The following MED12L variants were observed in gnomAD, a reference collection of about 807,000 sequenced individuals.
MED12L encodes the protein mediator complex subunit 12L, also known as mediator of RNA polymerase II transcription subunit 12-like protein.
MED12L carries 60 observed loss-of-function variants against 281.3 expected under a neutral mutation model. The ratio of observed to expected loss-of-function variants is 0.21; its 90% CI spans 0.17 to 0.26. The LOEUF (loss-of-function observed/expected upper bound fraction) is 0.26, where lower values mean the gene tolerates loss of function less well. Ranked by LOEUF, MED12L falls within the 10% of genes least tolerant of loss-of-function variation. MED12L has a pLI of 1.00. For synonymous variants in MED12L, 974 were observed against 987.2 expected, an observed-to-expected ratio of 0.99 and a Z score of 0.25; for missense variants, 2,146 against 2,680.9, an observed-to-expected ratio of 0.80 and a Z score of 4.41.
intron 23 of MED12L, 91 bp downstream of exon 23, chr3:151,366,082 A>T: frequency 9.1e-7 from 1 of 1,094,104 alleles, no homozygotes; most frequent in Non-Finnish European, 1.3e-6. Context: ...TATTTAATTG[A>T]TTCAACTGAA....
intron 16 of MED12L, chr3:151,338,922 T>C (rs1751420791): frequency 8.2e-6 from 12 of 1,466,512 alleles, no homozygotes; most frequent in Admixed American, 7.2e-5. Context: ...CTGTTATCTC[T>C]GTGTGTAACT....
chr3:151,118,997 A>G (rs1713318155), intron 3 of MED12L, among the ~76,000 whole-genome samples: 1 of 152,150 alleles, frequency 6.6e-6, no homozygotes. Context: ...TCAGAGCCTT[A>G]CCATCTTTCT....
chr3:151,409,375 C>T (rs1716706470), intron 40 of MED12L, 43 bp downstream of exon 40: 1 of 1,571,600 alleles, frequency 6.4e-7, no homozygotes, highest in Non-Finnish European at 8.8e-7. Flanking sequence ...ATTTTCAAAG[C>T]TCTTTATTGG....
intron 16 of MED12L, among the ~76,000 whole-genome samples, chr3:151,210,394 A>G (rs1383560345): frequency 2.0e-5 from 3 of 152,246 alleles, no homozygotes; most frequent in Admixed American, 6.5e-5. Flanking sequence ...ACGAATGAGC[A>G]CTAGTGATGA....
At chr3:151,424,650 A>G (rs1047842104) in intron 43 of MED12L, among the ~76,000 whole-genome samples, 5 of 152,058 alleles carry the variant, frequency 3.3e-5, no homozygotes, top group Non-Finnish European at 5.9e-5. Flanking sequence ...AAAACAAAAA[A>G]ACTCTATGCA....
At chr3:151,129,496 C>T (rs1453743451) in intron 5 of MED12L, among the ~76,000 whole-genome samples, 1 of 152,094 alleles carries the variant, frequency 6.6e-6, no homozygotes, top group Non-Finnish European at 1.5e-5. Context: ...TTATTCCCCC[C>T]ATCAGCATTT....
intron 16 of MED12L, among the ~76,000 whole-genome samples, chr3:151,234,835 A>G (rs1017051979): frequency 1.3e-5 from 2 of 152,184 alleles, no homozygotes; most frequent in Non-Finnish European, 2.9e-5. Flanking sequence ...TTCCTTAGTC[A>G]GGGGTCACCA....
chr3:151,146,947 T>G (rs529167952), intron 5 of MED12L, among the ~76,000 whole-genome samples: 1 of 152,338 alleles, frequency 6.6e-6, no homozygotes, highest in South Asian at 2.1e-4. Context: ...CAGTTTTCAT[T>G]TGGGCTATTT....
chr3:151,198,571 G>A (rs757068792), intron 16 of MED12L: 1 of 1,613,764 alleles, frequency 6.2e-7, no homozygotes, highest in African/African-American at 1.3e-5. Context: ...ACACAGCCAG[G>A]AGCAGTGTAG....
chr3:151,218,016 C>T (rs147089591), intron 16 of MED12L, among the ~76,000 whole-genome samples: 42 of 152,266 alleles, frequency 2.8e-4, no homozygotes, highest in Admixed American at 2.7e-3. Flanking sequence ...AGACATGCAT[C>T]ATTTGGACCT....
chr3:151,152,340 A>G (rs938075936), intron 5 of MED12L, among the ~76,000 whole-genome samples: 2 of 151,980 alleles, frequency 1.3e-5, no homozygotes, highest in Non-Finnish European at 2.9e-5. Flanking sequence ...AGTCTCAAGC[A>G]ATCGTCCTGC....
At chr3:151,143,243 C>T (rs149452719) in intron 5 of MED12L, among the ~76,000 whole-genome samples, 54 of 152,192 alleles carry the variant, frequency 3.5e-4, no homozygotes, top group Non-Finnish European at 4.6e-4. Context: ...TGATGTCTGT[C>T]GTATTTGTGT....
At chr3:151,120,738 T>A (rs942501334) in intron 3 of MED12L, among the ~76,000 whole-genome samples, 2 of 152,234 alleles carry the variant, frequency 1.3e-5, no homozygotes, top group African/African-American at 4.8e-5. Context: ...GACTTGGGAA[T>A]GAGGCGGCTC....
intron 5 of MED12L, among the ~76,000 whole-genome samples, chr3:151,153,188 C>T (rs1560099207): frequency 6.6e-6 from 1 of 152,170 alleles, no homozygotes; most frequent in Non-Finnish European, 1.5e-5. Flanking sequence ...CTGCATGACC[C>T]CTGAAACCCC....
intron 16 of MED12L, chr3:151,199,246 C>T: frequency 6.2e-7 from 1 of 1,614,028 alleles, no homozygotes; most frequent in Non-Finnish European, 8.5e-7. Context: ...TGCTCACACA[C>T]CTGTGATTCG....
At position 151,110,748 on chromosome 3, in the gene MED12L, C is replaced by CTGTA. The variant is rs200829434; in HGVS notation, c.100-5582_100-5579dup. 5.2e-3 allele frequency among the ~76,000 whole-genome samples: 787 copies of CTGTA among 152,102 alleles called. 10 individuals carry two copies. The highest frequency in any genetic ancestry group is 0.018 in the African/African-American group (748 of 41,468). On this transcript the variant is annotated intron_variant, in intron 2 of 44. Transcript: ENST00000687756. ...TTATACGCTTGGTTCCTTCCTGGAT[C>CTGTA]TGTATGTATGTTTGTGTGTGTGTGT...
chr3:151,329,153 G>T, intron 16 of MED12L: 1 of 640,312 alleles, frequency 1.6e-6, no homozygotes, highest in Non-Finnish European at 2.6e-6. Context: ...GTGTTGAAAA[G>T]GAAAATACTG....
At chr3:151,179,348 G>T (rs185747083) in intron 11 of MED12L, among the ~76,000 whole-genome samples, 1 of 152,026 alleles carries the variant, frequency 6.6e-6, no homozygotes, top group Non-Finnish European at 1.5e-5. Flanking sequence ...AAAAAAGGGC[G>T]GGGGGTTAAT....
At chr3:151,263,497 T>A (rs548804072) in intron 16 of MED12L, among the ~76,000 whole-genome samples, 1 of 152,362 alleles carries the variant, frequency 6.6e-6, no homozygotes, top group South Asian at 2.1e-4. Flanking sequence ...TTCTTTGATT[T>A]TGAGTTTAAT....
Sources: gnomAD v4.1 joint callset for allele counts (sites outside exome capture counted in the v4.1 genomes callset) on GRCh38, gnomAD v4.1.1 for gene constraint, MANE v1.5 for transcripts, NCBI Gene and HGNC (gene_info 2026-07-23, HGNC 2026-07-21) for gene names.